Variants in TXNDC16 observed in about 807,000 individuals in gnomAD.
The protein encoded by TXNDC16 is thioredoxin domain-containing protein 16.
In TXNDC16, 74 loss-of-function variants were observed where a neutral mutation model predicts 85.6. The ratio of observed to expected loss-of-function variants is 0.86; its 90% CI spans 0.72 to 1.05. The LOEUF (loss-of-function observed/expected upper bound fraction) is 1.05, where lower values mean the gene tolerates loss of function less well. Ranked by LOEUF, TXNDC16 falls within the 50% of genes least tolerant of loss-of-function variation. The pLI is 0.00. For synonymous variants in TXNDC16, 335 were observed against 326.5 expected (o/e 1.03, Z -0.28); for missense variants, 959 against 947.0 (o/e 1.01, Z -0.17).
At chr14:52,508,951 T>C (rs1198932536) in intron 9 of TXNDC16, among the ~76,000 whole-genome samples, 1 of 152,166 alleles carries the variant, frequency 6.6e-6, no homozygotes, top group East Asian at 1.9e-4. Context: ...ATATACCTAA[T>C]GTTAAATGAC....
At chr14:52,478,377 T>C (rs1254100749) in intron 14 of TXNDC16, among the ~76,000 whole-genome samples, 1 of 151,466 alleles carries the variant, frequency 6.6e-6, no homozygotes, top group Non-Finnish European at 1.5e-5. Context: ...AAAAGATAAA[T>C]GAAACAAAAA....
intron 16 of TXNDC16, among the ~76,000 whole-genome samples, chr14:52,468,357 G>T (rs764079814): frequency 6.3e-4 from 96 of 152,088 alleles, no homozygotes; most frequent in Admixed American, 2.6e-3. Context: ...TGAATATTAG[G>T]TGACAAAAAT....
chr14:52,543,273 A>G, intron 3 of TXNDC16, 125 bp downstream of exon 3: 1 of 1,065,594 alleles, frequency 9.4e-7, no homozygotes, highest in Non-Finnish European at 1.3e-6. Flanking sequence ...ACCCAGTCAG[A>G]CATATTATAG....
chr14:52,549,629 A>AT (rs748701260), intron 1 of TXNDC16, among the ~76,000 whole-genome samples: 1,417 of 132,964 alleles, frequency 0.011, 19 homozygotes, highest in East Asian at 0.022. Context: ...AACAGTTCTG[A>AT]TTTTTTTTTT....
chr14:52,526,086 G>A (rs1370468802), intron 6 of TXNDC16, among the ~76,000 whole-genome samples: 1 of 152,082 alleles, frequency 6.6e-6, no homozygotes, highest in Non-Finnish European at 1.5e-5. Flanking sequence ...TGAATATGGA[G>A]GGCCAACTGT....
intron 9 of TXNDC16, among the ~76,000 whole-genome samples, chr14:52,506,716 C>T (rs2036817068): frequency 7.0e-6 from 1 of 143,188 alleles, no homozygotes; most frequent in Non-Finnish European, 1.5e-5. Context: ...GCCACCGCGC[C>T]CGGCTAATTT....
chr14:52,506,758 T>C (rs1473031144), intron 9 of TXNDC16, among the ~76,000 whole-genome samples: 1 of 142,128 alleles, frequency 7.0e-6, no homozygotes, highest in East Asian at 2.2e-4. Flanking sequence ...GGGTTTCACC[T>C]TGTTAGCCAG....
chr14:52,498,269 T>C, intron 9 of TXNDC16, among the ~76,000 whole-genome samples: 1 of 152,128 alleles, frequency 6.6e-6, no homozygotes, highest in East Asian at 1.9e-4. Context: ...GACACTTTTA[T>C]TCAACATAGA....
rs1420419328 is a variant in TXNDC16, at chr14:52,431,809, A to C, written c.*495T>G. 6.6e-6 allele frequency: 1 copy of C among 152,328 alleles called. No homozygotes were observed. Among genetic ancestry groups the C allele is most frequent in the Non-Finnish European group, 1.5e-5 (1 of 68,100 alleles). 9.4% of individuals were successfully genotyped at this position (152,328 alleles called of 1,614,324 possible). ...TAAAACAAATATAACTGTCAGCTGC[A>C]TGAATGCACTGTGGAGTTAACTGTG... On this transcript the variant is annotated 3_prime_UTR_variant, in exon 21 of 21. Transcript: ENST00000281741.
At chr14:52,468,520 C>T (rs753768684) in intron 16 of TXNDC16, among the ~76,000 whole-genome samples, 25 of 152,034 alleles carry the variant, frequency 1.6e-4, no homozygotes, top group Non-Finnish European at 3.7e-4. Context: ...ATGACAAAAG[C>T]TTAATATCCT....
intron 20 of TXNDC16, among the ~76,000 whole-genome samples, chr14:52,433,328 T>G (rs1041957764): frequency 6.6e-6 from 1 of 152,174 alleles, no homozygotes; most frequent in Non-Finnish European, 1.5e-5. Context: ...AGAGATAAAT[T>G]AGCTAACTTT....
rs866715774 is a variant in TXNDC16, at chr14:52,505,998, G to A, written c.756+5242C>T. ...AAGAAATAGATAAATTCCTCGACACGTAGACTCTCCTAAGACTAAACCAGG... is the reference window on the plus strand; with the variant it reads ...AAGAAATAGATAAATTCCTCGACACATAGACTCTCCTAAGACTAAACCAGG... On this transcript the variant is annotated intron_variant, in intron 9 of 20. Transcript: ENST00000281741. Among the ~76,000 whole-genome samples, 16 of 152,084 alleles carry A rather than the reference G, an allele frequency of 1.1e-4. No individual in the cohort carries two copies. The South Asian group carries it at 1.5e-3, about 14-fold the overall frequency.
chr14:52,490,262 G>T, intron 11 of TXNDC16, 129 bp downstream of exon 11: 1 of 547,976 alleles, frequency 1.8e-6, no homozygotes, highest in Non-Finnish European at 3.0e-6. Flanking sequence ...AACGTTAACA[G>T]CAATTTTCTT....
intron 14 of TXNDC16, among the ~76,000 whole-genome samples, chr14:52,481,327 G>C (rs956922392): frequency 6.6e-6 from 1 of 151,858 alleles, no homozygotes; most frequent in Non-Finnish European, 1.5e-5. Context: ...AACACCACCT[G>C]TTCCCCAGTA....
intron 16 of TXNDC16, among the ~76,000 whole-genome samples, chr14:52,463,438 G>C (rs898310512): frequency 1.2e-4 from 18 of 152,178 alleles, no homozygotes; most frequent in African/African-American, 3.9e-4. Flanking sequence ...AAATTTAATA[G>C]AGTTTAACCG....
At chr14:52,524,941 TA>T (rs1479006322) in intron 6 of TXNDC16, among the ~76,000 whole-genome samples, 1 of 151,634 alleles carries the variant, frequency 6.6e-6, no homozygotes, top group African/African-American at 2.4e-5. Flanking sequence ...GCCAACATGG[TA>T]AAACCCTGTC....
intron 14 of TXNDC16, among the ~76,000 whole-genome samples, chr14:52,478,166 A>G (rs28879504): frequency 0.51 from 77,721 of 151,842 alleles, 20,870 homozygotes; most frequent in East Asian, 0.71. Context: ...AAACCTCTGG[A>G]ATATAGCAAA....
chr14:52,530,281 A>AATATG (rs2037485106), intron 6 of TXNDC16, among the ~76,000 whole-genome samples: 1 of 57,592 alleles, frequency 1.7e-5, no homozygotes, highest in Non-Finnish European at 2.9e-5. Context: ...ATTATTTAAT[A>AATATG]TATAATTATT....
At chr14:52,517,189 T>C (rs1312000504) in intron 7 of TXNDC16, among the ~76,000 whole-genome samples, 2 of 152,106 alleles carry the variant, frequency 1.3e-5, no homozygotes, top group East Asian at 3.9e-4. Flanking sequence ...CTAATTAAGC[T>C]TAAATTCCCT....
Sources: allele counts gnomAD v4.1 joint callset (sites outside exome capture counted in the v4.1 genomes callset), GRCh38; gene constraint gnomAD v4.1.1; transcripts MANE v1.5; gene names NCBI Gene and HGNC (gene_info 2026-07-23, HGNC 2026-07-21).